Variants in FTCDNL1 observed in about 807,000 individuals in gnomAD.
The protein encoded by FTCDNL1 is formiminotransferase cyclodeaminase N-terminal like.
FTCDNL1 carries 11 observed loss-of-function variants against 5.9 expected under a neutral mutation model. The ratio of observed to expected loss-of-function variants is 1.87; its 90% CI spans 1.18 to 3.10. FTCDNL1 has a LOEUF of 3.10. FTCDNL1 is among the 30% of genes most tolerant of loss of function. The pLI is 0.00. For synonymous variants in FTCDNL1, 58 were observed against 24.8 expected (o/e 2.34, Z -3.99); for missense variants, 115 against 65.5 (o/e 1.76, Z -2.61).
rs146398030 is a variant in FTCDNL1 at position 199,842,260 on chromosome 2, T to G, written c.211+3815A>C. Among the ~76,000 whole-genome samples the G allele has an allele frequency of 2.7e-3, 404 of 152,128 alleles. 1 individual carries two copies. The highest frequency in any genetic ancestry group is 4.1e-3 in the Non-Finnish European group (278 of 67,978). On this transcript the variant is annotated intron_variant, in intron 3 of 4. Coordinates refer to ENST00000420128, the MANE Select transcript of FTCDNL1 (RefSeq NM_001363886.2). ...TCCACCCTGGGCGACAGAGCAAGACTCCATCTCAAAAAATTTAAAAAAAAT... is the reference window on the plus strand; with the variant it reads ...TCCACCCTGGGCGACAGAGCAAGACGCCATCTCAAAAAATTTAAAAAAAAT...
chr2:199,826,825 C>T (rs1450703509), intron 3 of FTCDNL1, among the ~76,000 whole-genome samples: 1 of 152,106 alleles, frequency 6.6e-6, no homozygotes. Flanking sequence ...AGCGTTTATC[C>T]TGTCCTTCCT....
At chr2:199,699,056 GA>G in the FTCDNL1 span, among the ~76,000 whole-genome samples, 36 of 152,162 alleles carry the variant, frequency 2.4e-4, no homozygotes, top group Admixed American at 2.4e-3. Flanking sequence ...AACTTTTCAA[GA>G]TTGAATCAGG....
the FTCDNL1 span, among the ~76,000 whole-genome samples, chr2:199,751,132 C>T: frequency 6.6e-6 from 1 of 152,184 alleles, no homozygotes; most frequent in East Asian, 1.9e-4. Flanking sequence ...CCTCCCTTCG[C>T]CTCTGTCTCT....
At chr2:199,704,710 C>T in the FTCDNL1 span, among the ~76,000 whole-genome samples, 2 of 152,022 alleles carry the variant, frequency 1.3e-5, no homozygotes, top group Admixed American at 6.6e-5. Flanking sequence ...CAAAAGAATG[C>T]ACAACTCTTC....
intron 3 of FTCDNL1, among the ~76,000 whole-genome samples, chr2:199,783,943 G>C (rs1699502823): frequency 6.6e-6 from 1 of 152,086 alleles, no homozygotes; most frequent in Admixed American, 6.6e-5. Flanking sequence ...AGAGGAATTT[G>C]GGGATTCAAG....
the FTCDNL1 span, among the ~76,000 whole-genome samples, chr2:199,688,230 C>CA: frequency 0.025 from 3,055 of 120,192 alleles, 139 homozygotes; most frequent in African/African-American, 0.094. Context: ...GACTCTGTCT[C>CA]AAAAAAAAAA....
At chr2:199,676,037 C>A in the FTCDNL1 span, among the ~76,000 whole-genome samples, 47 of 152,240 alleles carry the variant, frequency 3.1e-4, no homozygotes, top group African/African-American at 1.1e-3. Flanking sequence ...CAGGAATGAG[C>A]CACCACAAGT....
chr2:199,837,983 C>A (rs1428047072), intron 3 of FTCDNL1, among the ~76,000 whole-genome samples: 1 of 152,154 alleles, frequency 6.6e-6, no homozygotes, highest in Non-Finnish European at 1.5e-5. Context: ...CCTATTTTCA[C>A]CGTCAAGGCA....
At chr2:199,673,779 CT>C in the FTCDNL1 span, among the ~76,000 whole-genome samples, 1 of 152,012 alleles carries the variant, frequency 6.6e-6, no homozygotes, top group Non-Finnish European at 1.5e-5. Context: ...TTGATTATGT[CT>C]AATTTAAATG....
At chr2:199,734,774 G>C in the FTCDNL1 span, among the ~76,000 whole-genome samples, 1 of 152,078 alleles carries the variant, frequency 6.6e-6, no homozygotes, top group Non-Finnish European at 1.5e-5. Context: ...TTTGCTAAGG[G>C]GATTCACTGA....
chr2:199,747,454 G>T, the FTCDNL1 span, among the ~76,000 whole-genome samples: 7 of 152,186 alleles, frequency 4.6e-5, no homozygotes, highest in African/African-American at 1.4e-4. Context: ...CACACTCACA[G>T]AGGGTTTGTT....
intron 3 of FTCDNL1, among the ~76,000 whole-genome samples, chr2:199,799,423 G>C (rs1334541512): frequency 6.6e-6 from 1 of 152,160 alleles, no homozygotes; most frequent in Non-Finnish European, 1.5e-5. Flanking sequence ...AGAGCCGGCT[G>C]CCTTCTGCTT....
the FTCDNL1 span, among the ~76,000 whole-genome samples, chr2:199,738,129 T>C: frequency 8.5e-5 from 13 of 152,226 alleles, no homozygotes; most frequent in African/African-American, 2.9e-4. Context: ...AAAACATATT[T>C]TGAATCATTT....
intron 3 of FTCDNL1, among the ~76,000 whole-genome samples, chr2:199,828,834 T>A (rs1702188124): frequency 6.6e-6 from 1 of 152,214 alleles, no homozygotes. Context: ...AAACCTGGAA[T>A]ATCAGTGTCC....
the FTCDNL1 span, among the ~76,000 whole-genome samples, chr2:199,671,680 G>T: frequency 6.6e-6 from 1 of 152,052 alleles, no homozygotes; most frequent in Non-Finnish European, 1.5e-5. Context: ...CTAGCTGAGT[G>T]GTCCATGTTC....
the FTCDNL1 span, among the ~76,000 whole-genome samples, chr2:199,747,343 T>C: frequency 9.2e-5 from 14 of 152,230 alleles, no homozygotes; most frequent in South Asian, 8.3e-4. Flanking sequence ...GTCTATTGCA[T>C]GGTCGTAGGG....
chr2:199,813,763 T>C (rs1397120193), intron 4 of FTCDNL1, among the ~76,000 whole-genome samples: 3 of 151,354 alleles, frequency 2.0e-5, no homozygotes, highest in East Asian at 3.9e-4. Context: ...ATACAAAAAT[T>C]AGTTGGGCAT....
At chr2:199,788,206 G>T (rs1388816835) in intron 3 of FTCDNL1, among the ~76,000 whole-genome samples, 1 of 152,138 alleles carries the variant, frequency 6.6e-6, no homozygotes, top group African/African-American at 2.4e-5. Context: ...TTTCCATATG[G>T]CTATTCAGGG....
chr2:199,768,190 T>C (rs1412382311), intron 3 of FTCDNL1, among the ~76,000 whole-genome samples: 1 of 152,222 alleles, frequency 6.6e-6, no homozygotes, highest in Non-Finnish European at 1.5e-5. Context: ...AAATATATTC[T>C]GGAAGTTGCA....
Sources: allele counts gnomAD v4.1 joint callset (sites outside exome capture counted in the v4.1 genomes callset), GRCh38; gene constraint gnomAD v4.1.1; transcripts MANE v1.5; gene names NCBI Gene and HGNC (gene_info 2026-07-23, HGNC 2026-07-21).